ADGRG7: variants seen among roughly 807,000 people sequenced by gnomAD.
ADGRG7 encodes the protein adhesion G protein-coupled receptor G7.
In ADGRG7, 82 loss-of-function variants were observed where a neutral mutation model predicts 88.6. The ratio of observed to expected loss-of-function variants is 0.93; its 90% confidence interval spans 0.77 to 1.11. ADGRG7 has a LOEUF of 1.11. ADGRG7 is among the 50% of genes most tolerant of loss of function. The probability of loss-of-function intolerance (pLI) is 0.00; values close to 1 mark genes in which losing one functional copy is unlikely to be tolerated. For missense variants in ADGRG7, 945 were observed against 953.4 expected (o/e 0.99, Z 0.12); for synonymous variants, 381 against 345.2 (o/e 1.10, Z -1.15).
At chr3:100,634,884 A>G (rs1707510011) in intron 4 of ADGRG7, among the ~76,000 whole-genome samples, 1 of 152,188 alleles carries the variant, frequency 6.6e-6, no homozygotes, top group Admixed American at 6.5e-5. Flanking sequence ...CAATTGAATT[A>G]GGGTTATTTG....
At chr3:100,627,170 T>C (rs1707390680) in intron 1 of ADGRG7, among the ~76,000 whole-genome samples, 1 of 152,216 alleles carries the variant, frequency 6.6e-6, no homozygotes, top group Admixed American at 6.5e-5. Flanking sequence ...AGAGACAGTA[T>C]TCAATATTAC....
chr3:100,676,362 G>A (rs75681528), intron 15 of ADGRG7, among the ~76,000 whole-genome samples: 4,968 of 151,974 alleles, frequency 0.033, 274 homozygotes, highest in African/African-American at 0.11. Context: ...TTGACTCACC[G>A]GTAATTGAGG....
At chr3:100,682,849 C>G (rs947198477) in intron 15 of ADGRG7, among the ~76,000 whole-genome samples, 1 of 152,202 alleles carries the variant, frequency 6.6e-6, no homozygotes, top group African/African-American at 2.4e-5. Flanking sequence ...GGTGCAGTTG[C>G]AGTTGCCTTG....
intron 6 of ADGRG7, 78 bp from the exon 7 acceptor site, chr3:100,643,188 C>A: frequency 2.4e-6 from 3 of 1,242,644 alleles, no homozygotes; most frequent in Non-Finnish European, 3.4e-6. Context: ...TGTCTTTCTG[C>A]TGTAGTGTAA....
chr3:100,657,908 T>C (rs2094939774), intron 13 of ADGRG7, among the ~76,000 whole-genome samples: 1 of 152,132 alleles, frequency 6.6e-6, no homozygotes, highest in South Asian at 2.1e-4. Context: ...ACTATTCCAA[T>C]GCAAAAAAAA....
chr3:100,692,404 G>A (rs1350338102), intron 15 of ADGRG7, among the ~76,000 whole-genome samples: 2 of 152,176 alleles, frequency 1.3e-5, no homozygotes, highest in Non-Finnish European at 2.9e-5. Context: ...CCATGGGCTT[G>A]TTGCCCAGAG....
intron 15 of ADGRG7, among the ~76,000 whole-genome samples, chr3:100,688,486 T>C (rs1183298982): frequency 6.6e-6 from 1 of 152,208 alleles, no homozygotes; most frequent in Admixed American, 6.5e-5. Flanking sequence ...CCATTTTAGA[T>C]CTTTCCTGCT....
intron 15 of ADGRG7, among the ~76,000 whole-genome samples, chr3:100,693,474 G>A (rs1161671733): frequency 6.6e-6 from 1 of 151,794 alleles, no homozygotes; most frequent in Non-Finnish European, 1.5e-5. Context: ...TTCTACTTTT[G>A]GCCAGAGAAC....
At chr3:100,643,426 G>T in intron 7 of ADGRG7, 21 bp downstream of exon 7, 5 of 1,613,202 alleles carry the variant, frequency 3.1e-6, no homozygotes, top group Non-Finnish European at 4.2e-6. Context: ...AATCTTATGT[G>T]CTTGTAACAG....
At chr3:100,642,436 A>G (rs1707658162) in intron 6 of ADGRG7, among the ~76,000 whole-genome samples, 1 of 152,254 alleles carries the variant, frequency 6.6e-6, no homozygotes, top group African/African-American at 2.4e-5. Context: ...TTTTTATCTC[A>G]TTTGGAGGTA....
At chr3:100,641,218 G>A (rs1707637205) in intron 6 of ADGRG7, among the ~76,000 whole-genome samples, 2 of 152,154 alleles carry the variant, frequency 1.3e-5, no homozygotes, top group African/African-American at 4.8e-5. Flanking sequence ...GGAAGTCAAT[G>A]TTTTGAAGTA....
chr3:100,626,375 A>C (rs550074229), intron 1 of ADGRG7, among the ~76,000 whole-genome samples: 1 of 152,326 alleles, frequency 6.6e-6, no homozygotes, highest in East Asian at 1.9e-4. Context: ...ATTTCTATAA[A>C]AAAACTTTCA....
intron 8 of ADGRG7, among the ~76,000 whole-genome samples, 173 bp from the exon 9 acceptor site, chr3:100,645,772 G>T (rs1707733490): frequency 6.6e-6 from 1 of 152,100 alleles, no homozygotes. Flanking sequence ...CCCGCCATAG[G>T]TTATATGTGT....
chr3:100,609,612 G>T lies in ADGRG7; in HGVS notation c.-245G>T. 8.1e-6 allele frequency: 3 copies of T among 368,262 alleles called. No individual in the cohort carries two copies. The highest frequency in any genetic ancestry group is 1.0e-5 in the Non-Finnish European group (2 of 191,788). The allele number at this position is 368,262 out of a possible 1,614,324, so 22.8% of individuals were successfully genotyped here. On this transcript the variant is annotated 5_prime_UTR_variant, in exon 1 of 16. It removes an upstream start codon present in the reference 5' UTR. Coordinates refer to ENST00000273352, the MANE Select transcript of ADGRG7 (RefSeq NM_032787.3). Reference sequence around the variant, plus strand: ...CCATAACTCTAATCACTTTTTTCATGTTCTCCTTGAGTGAAGGATGAGGAA... The same window carrying T: ...CCATAACTCTAATCACTTTTTTCATTTTCTCCTTGAGTGAAGGATGAGGAA...
At chr3:100,670,545 T>C (rs921113092) in intron 15 of ADGRG7, among the ~76,000 whole-genome samples, 8 of 152,192 alleles carry the variant, frequency 5.3e-5, no homozygotes, top group African/African-American at 1.9e-4. Flanking sequence ...CTGGATCATA[T>C]GGTAGTTCTA....
At chr3:100,665,243 T>A in intron 14 of ADGRG7, 2 of 540,430 alleles carry the variant, frequency 3.7e-6, no homozygotes, top group South Asian at 2.8e-5. Flanking sequence ...AACTCTCCCA[T>A]CCATTATGTT....
At chr3:100,692,925 T>C (rs562244969) in intron 15 of ADGRG7, among the ~76,000 whole-genome samples, 2 of 152,306 alleles carry the variant, frequency 1.3e-5, no homozygotes, top group East Asian at 1.9e-4. Context: ...CACTAAAGTG[T>C]AGGAATATCT....
intron 1 of ADGRG7, among the ~76,000 whole-genome samples, chr3:100,618,655 C>T (rs149212278): frequency 0.011 from 1,717 of 152,216 alleles, 23 homozygotes; most frequent in African/African-American, 0.038. Flanking sequence ...TAGCGTGATG[C>T]CTCCAGCTTT....
At chr3:100,666,173 G>A (rs1027373198) in intron 14 of ADGRG7, among the ~76,000 whole-genome samples, 2 of 152,044 alleles carry the variant, frequency 1.3e-5, no homozygotes, top group Non-Finnish European at 2.9e-5. Flanking sequence ...ACACCTGTGG[G>A]TGTTTCTCGT....
Sources: gnomAD v4.1 joint callset for allele counts (sites outside exome capture counted in the v4.1 genomes callset) on GRCh38, gnomAD v4.1.1 for gene constraint, MANE v1.5 for transcripts, NCBI Gene and HGNC (gene_info 2026-07-23, HGNC 2026-07-21) for gene names.